Variants in LIMS1 observed in about 807,000 individuals in gnomAD.
LIMS1 encodes LIM zinc finger domain containing 1.
In LIMS1, 18 loss-of-function variants were observed where a neutral mutation model predicts 44.1. The observed-to-expected ratio is 0.41, with a 90% CI of 0.28 to 0.61. The LOEUF (loss-of-function observed/expected upper bound fraction) is 0.61, where lower values mean the gene tolerates loss of function less well. LIMS1 is among the 20% of genes least tolerant of loss of function. LIMS1 has a pLI of 0.32. For synonymous variants in LIMS1, 93 were observed against 149.1 expected, an observed-to-expected ratio of 0.62 and a Z score of 2.74; for missense variants, 201 against 422.0, an observed-to-expected ratio of 0.48 and a Z score of 4.59.
At chr2:108,555,312 GA>G (rs954921489) in intron 1 of LIMS1, among the ~76,000 whole-genome samples, 5 of 152,158 alleles carry the variant, frequency 3.3e-5, no homozygotes, top group Non-Finnish European at 5.9e-5. Context: ...ACCTTGAGGG[GA>G]TCAGTCTTGA....
intron 1 of LIMS1, chr2:108,607,310 G>T: frequency 6.7e-7 from 1 of 1,489,864 alleles, no homozygotes; most frequent in East Asian, 2.5e-5. Context: ...AACACAAATA[G>T]AACATAATTG....
chr2:108,683,242 T>C (rs1693123270), intron 9 of LIMS1, among the ~76,000 whole-genome samples: 2 of 152,154 alleles, frequency 1.3e-5, no homozygotes. Flanking sequence ...AAGTACTAAG[T>C]AAGATCATGT....
At chr2:108,597,756 A>G (rs1686790916) in intron 1 of LIMS1, among the ~76,000 whole-genome samples, 1 of 140,960 alleles carries the variant, frequency 7.1e-6, no homozygotes, top group East Asian at 2.2e-4. Flanking sequence ...GCAGTGATGC[A>G]GTCTCAGCTC....
At chr2:108,664,005 C>G (rs908042803) in intron 2 of LIMS1, among the ~76,000 whole-genome samples, 3 of 152,142 alleles carry the variant, frequency 2.0e-5, no homozygotes, top group Non-Finnish European at 4.4e-5. Context: ...CCGCTCGCCT[C>G]GTTCTCCCAA....
At position 108,633,672 on chromosome 2, in the gene LIMS1, G is replaced by A. The variant is rs187947688; in HGVS notation, c.33-25933G>A. ...ATGCTTTACTAATAGTTGGTTAAAG[G>A]TTTGACTTAAAAGACTTGGTTGGCC... is the stretch of plus-strand genomic sequence containing the variant. On this transcript the variant is annotated intron_variant, in intron 1 of 9. Coordinates refer to ENST00000544547, the Ensembl canonical transcript of LIMS1. Among the ~76,000 whole-genome samples, 450 of 152,278 alleles carry A rather than the reference G, an allele frequency of 3.0e-3. 2 individuals are homozygous for A. The highest frequency in any genetic ancestry group is 0.011 in the African/African-American group (439 of 41,552).
chr2:108,594,880 A>G (rs796257766), intron 1 of LIMS1, among the ~76,000 whole-genome samples: 14 of 151,926 alleles, frequency 9.2e-5, no homozygotes, highest in African/African-American at 3.4e-4. Context: ...CAAAGTAGAC[A>G]GCATAGCTCT....
chr2:108,559,131 T>C lies in LIMS1; in HGVS notation c.32+24537T>C, dbSNP rs1394551776. On this transcript the variant is annotated intron_variant, in intron 1 of 9. Transcript: ENST00000544547. ...TTCCACGAAATTATTCTGTATGGGA[T>C]AATTTATATACCCTTAGACACTGGC... Among the ~76,000 whole-genome samples, 5 of 152,306 alleles carry C rather than the reference T, an allele frequency of 3.3e-5. No individual in the cohort carries two copies. The East Asian group carries it at 9.6e-4, about 29-fold the overall frequency.
intron 7 of LIMS1, chr2:108,677,277 ACC>A (rs1558843640): frequency 6.6e-6 from 1 of 152,468 alleles, no homozygotes; most frequent in Non-Finnish European, 1.5e-5. Context: ...AGGGCCCCTA[ACC>A]CCTTTTTAAT....
intron 1 of LIMS1, among the ~76,000 whole-genome samples, chr2:108,567,476 A>G (rs527596181): frequency 2.9e-4 from 44 of 152,348 alleles, no homozygotes; most frequent in Admixed American, 1.6e-3. Context: ...TGTAAAGTAT[A>G]TGATCATCAT....
exon 7 of LIMS1, chr2:108,676,674 A>G (rs2438733): frequency 0.22 from 293,054 of 1,334,098 alleles, 77,988 homozygotes; most frequent in East Asian, 0.91. Flanking sequence ...AAGGCCTGGC[A>G]TATTGTGAAA....
At chr2:108,586,801 G>A (rs1472372890) in intron 1 of LIMS1, among the ~76,000 whole-genome samples, 5 of 152,190 alleles carry the variant, frequency 3.3e-5, no homozygotes, top group Non-Finnish European at 7.3e-5. Context: ...TCCCAAGAGA[G>A]ATCGCAGCTG....
Position 108,680,903 on chromosome 2 carries a change from A to T in LIMS1, c.899+133A>T, listed in dbSNP as rs879472476. On this transcript the variant is annotated intron_variant, in intron 9 of 9. Coordinates refer to ENST00000544547, the Ensembl canonical transcript of LIMS1. ...TCCTCTTTCTGTTCAGGCCTTCTGAAAGTAAAGGTTCTTCCTTTAACTGTT... is the reference window on the plus strand; with the variant it reads ...TCCTCTTTCTGTTCAGGCCTTCTGATAGTAAAGGTTCTTCCTTTAACTGTT... 6.0e-4 allele frequency: 785 copies of T among 1,300,308 alleles called. 1 individual carries two copies. Among genetic ancestry groups the T allele is most frequent in the Non-Finnish European group, 7.2e-4 (695 of 963,136 alleles). The allele number at this position is 1,300,308 out of a possible 1,614,324, so 80.5% of individuals were successfully genotyped here.
At chr2:108,681,454 A>G in intron 9 of LIMS1, 2 of 974,768 alleles carry the variant, frequency 2.1e-6, no homozygotes, top group Non-Finnish European at 2.4e-6. Flanking sequence ...TTTAAAGGGA[A>G]GAATTCTAAT....
At chr2:108,548,817 A>T (rs1199673672) in intron 1 of LIMS1, among the ~76,000 whole-genome samples, 1 of 152,178 alleles carries the variant, frequency 6.6e-6, no homozygotes, top group Non-Finnish European at 1.5e-5. Flanking sequence ...TGGGAACTCC[A>T]AGGATATAAG....
chr2:108,669,146 C>T (rs927778795), intron 2 of LIMS1, among the ~76,000 whole-genome samples: 2 of 152,220 alleles, frequency 1.3e-5, no homozygotes, highest in African/African-American at 4.8e-5. Flanking sequence ...GTAGCTCACA[C>T]CTGTAATCCC....
chr2:108,585,951 T>TG (rs200711894), intron 1 of LIMS1, among the ~76,000 whole-genome samples: 2,552 of 152,196 alleles, frequency 0.017, 41 homozygotes, highest in African/African-American at 0.035. Context: ...CCCAGCACTT[T>TG]GGGAGGCCGA....
intron 1 of LIMS1, among the ~76,000 whole-genome samples, chr2:108,613,901 G>A (rs962925297): frequency 1.1e-4 from 17 of 151,968 alleles, no homozygotes; most frequent in African/African-American, 4.1e-4. Flanking sequence ...CCTCCCTGCT[G>A]TCAGCATCCA....
intron 1 of LIMS1, among the ~76,000 whole-genome samples, chr2:108,599,493 G>A (rs2104714208): frequency 6.6e-6 from 1 of 152,290 alleles, no homozygotes; most frequent in Middle Eastern, 3.4e-3. Flanking sequence ...GATCAGTGCT[G>A]CAGATATCTC....
At chr2:108,539,709 A>G (rs1684256151) in intron 1 of LIMS1, among the ~76,000 whole-genome samples, 1 of 152,146 alleles carries the variant, frequency 6.6e-6, no homozygotes. Flanking sequence ...TACTGTTTTG[A>G]TTTTTAAAAT....
Sources: allele counts gnomAD v4.1 joint callset (sites outside exome capture counted in the v4.1 genomes callset), GRCh38; gene constraint gnomAD v4.1.1; transcripts MANE v1.5; gene names NCBI Gene and HGNC (gene_info 2026-07-23, HGNC 2026-07-21).